Variants in ANKRD11 observed in about 807,000 individuals in gnomAD.
ANKRD11 encodes the protein ankyrin repeat domain-containing protein 11.
ANKRD11 carries 17 observed loss-of-function variants against 195.7 expected under a neutral mutation model. That is an observed-to-expected ratio of 0.09 (90% CI 0.06 to 0.13). ANKRD11 has a LOEUF of 0.13. ANKRD11 is among the 10% of genes least tolerant of loss of function. The pLI is 1.00. For missense variants in ANKRD11, 3,735 were observed against 3,566.1 expected, an observed-to-expected ratio of 1.05 and a Z score of -1.21; for synonymous variants, 1,953 against 1,528.1, an observed-to-expected ratio of 1.28 and a Z score of -6.49.
rs143548880 is a variant in ANKRD11 at position 89,326,329 on chromosome 16, T to C, written c.-59-9251A>G. 4.4e-3 allele frequency among the ~76,000 whole-genome samples: 670 copies of C among 152,212 alleles called. 6 individuals carry two copies. The highest frequency in any genetic ancestry group is 0.016 in the African/African-American group (650 of 41,532). The stretch of plus-strand genomic sequence containing the variant: ...GAAAGGTCTGGGGTGTCACGCACCG[T>C]TGCTGGGAATGCAGAGGAGGACGGT... On this transcript the variant is annotated intron_variant, in intron 2 of 12. Coordinates refer to ENST00000301030, the MANE Select transcript of ANKRD11 (RefSeq NM_013275.6).
rs761444335 is a variant in ANKRD11 at position 89,279,861 on chromosome 16, C to G, written c.6681G>C (p.Pro2227=). ...LEAAVEAETV[P]EERARGDPDS... ...CCGGATCCCCACGGGCCCTCTCTTC[C>G]GGCACCGTCTCCGCCTCCACCGCAG... Residue 2227 remains proline (P), a synonymous_variant, in exon 9 of 13, where the codon CCG becomes CCC. Coordinates refer to ENST00000301030, the MANE Select transcript of ANKRD11 (RefSeq NM_013275.6). The surrounding 1 kb of genome is among the most constrained non-coding windows in gnomAD (Gnocchi z 5.6). The G allele has an allele frequency of 6.4e-7, 1 of 1,557,626 alleles. No individual in the cohort carries two copies. The highest frequency in any genetic ancestry group is 8.7e-7 in the Non-Finnish European group (1 of 1,152,702).
intron 2 of ANKRD11, among the ~76,000 whole-genome samples, chr16:89,368,461 TC>T (rs1441787332): frequency 4.4e-5 from 6 of 137,536 alleles, no homozygotes; most frequent in African/African-American, 1.6e-4. Context: ...GACCTCGTGA[TC>T]CACCTGCCTC....
chr16:89,446,124 A>C (rs969343742), intron 1 of ANKRD11, among the ~76,000 whole-genome samples: 7 of 152,100 alleles, frequency 4.6e-5, no homozygotes, highest in African/African-American at 1.7e-4. Flanking sequence ...AAAACTGTTT[A>C]AAAAGGACTT....
intron 1 of ANKRD11, among the ~76,000 whole-genome samples, chr16:89,444,151 A>AAT (rs1192743807): frequency 1.3e-5 from 2 of 152,138 alleles, no homozygotes; most frequent in Non-Finnish European, 1.5e-5. Context: ...TCCTGCATAA[A>AAT]ATACTAGTAA....
At chr16:89,342,713 C>G (rs1314150944) in intron 2 of ANKRD11, among the ~76,000 whole-genome samples, 1 of 152,196 alleles carries the variant, frequency 6.6e-6, no homozygotes, top group Non-Finnish European at 1.5e-5. Flanking sequence ...ATGGGCCCTA[C>G]AGAATTACTT....
chr16:89,278,848 G>GTCCTC, intron 9 of ANKRD11: 1 of 760,200 alleles, frequency 1.3e-6, no homozygotes, highest in South Asian at 1.5e-5. Context: ...CCGAGGCCTG[G>GTCCTC]CACGGACCAG....
At position 89,282,412 on chromosome 16, in the gene ANKRD11, CCCTTCTCTTTCTTCTCGG is replaced by C. The variant is rs754339551; in HGVS notation, c.4112_4129del (p.Ala1371_Lys1376del). The C allele has an allele frequency of 5.0e-6, 8 of 1,613,816 alleles. No individual in the cohort carries two copies. The highest frequency in any genetic ancestry group is 6.8e-6 in the Non-Finnish European group (8 of 1,179,742). The stretch of plus-strand genomic sequence containing the variant: ...GCTACCGCCCTCCTTGTAATCTTCG[CCCTTCTCTTTCTTCTCGG>C]CCTTCTCTTTCTTGGCTCGCTCTCG... On this transcript the variant is annotated inframe_deletion, in exon 9 of 13. Transcript: ENST00000301030.
intron 1 of ANKRD11, among the ~76,000 whole-genome samples, chr16:89,455,486 TG>T (rs909327628): frequency 1.3e-5 from 2 of 152,036 alleles, no homozygotes; most frequent in African/African-American, 4.8e-5. Flanking sequence ...ACACACCAGG[TG>T]GGGATGTCAC....
intron 2 of ANKRD11, among the ~76,000 whole-genome samples, chr16:89,407,668 T>TACACACAC (rs112958844): frequency 6.6e-6 from 1 of 150,704 alleles, no homozygotes; most frequent in African/African-American, 2.4e-5. Context: ...CAAACACACA[T>TACACACAC]ACACACACAC....
At chr16:89,416,730 G>C (rs1384064424) in intron 2 of ANKRD11, among the ~76,000 whole-genome samples, 1 of 147,106 alleles carries the variant, frequency 6.8e-6, no homozygotes, top group East Asian at 2.0e-4. Flanking sequence ...AGGGGTTCAA[G>C]ACAGGCCTGG....
intron 1 of ANKRD11, among the ~76,000 whole-genome samples, chr16:89,434,016 TGAG>T (rs1330466560): frequency 9.9e-5 from 15 of 152,204 alleles, no homozygotes; most frequent in Admixed American, 7.9e-4. Flanking sequence ...CTGGTTACTC[TGAG>T]AAGATGCCCC....
chr16:89,334,142 T>C (rs12932637), intron 2 of ANKRD11, among the ~76,000 whole-genome samples: 1,024 of 19,176 alleles, frequency 0.053, 81 homozygotes, highest in African/African-American at 0.23. Flanking sequence ...AACCCTGTGT[T>C]TTAAAAAAAA....
At chr16:89,337,071 A>G (rs2151982702) in intron 2 of ANKRD11, among the ~76,000 whole-genome samples, 1 of 150,052 alleles carries the variant, frequency 6.7e-6, no homozygotes, top group African/African-American at 2.4e-5. Context: ...CTGCAGTCCC[A>G]GCTATTTGGG....
chr16:89,287,503 C>A, intron 7 of ANKRD11: 1 of 208,814 alleles, frequency 4.8e-6, no homozygotes, highest in Non-Finnish European at 9.9e-6. Flanking sequence ...ATCGGATGCC[C>A]CAGCCCCATC....
chr16:89,445,320 C>T (rs1190445893), intron 1 of ANKRD11, among the ~76,000 whole-genome samples: 1 of 152,224 alleles, frequency 6.6e-6, no homozygotes, highest in Non-Finnish European at 1.5e-5. Context: ...TCAACCACTG[C>T]TCAGCCGTTT....
At chr16:89,446,714 A>G (rs2043809623) in intron 1 of ANKRD11, among the ~76,000 whole-genome samples, 2 of 152,176 alleles carry the variant, frequency 1.3e-5, no homozygotes, top group Non-Finnish European at 2.9e-5. Context: ...TGGACACACA[A>G]TGACAGTGCC....
rs777529987 is a variant in ANKRD11 at position 89,324,554 on chromosome 16, G to A, written c.-59-7476C>T. 2.9e-5 allele frequency: 13 copies of A among 455,774 alleles called. No individual in the cohort carries two copies. In the East Asian group the frequency reaches 4.9e-4, roughly 17 times the overall value. The allele number at this position is 455,774 out of a possible 1,614,324, so 28.2% of individuals were successfully genotyped here. A position where few individuals can be genotyped will look rare whatever the true frequency, so the allele number is the denominator to read the frequency against. On this transcript the variant is annotated intron_variant, in intron 2 of 12. Coordinates refer to ENST00000301030, the MANE Select transcript of ANKRD11 (RefSeq NM_013275.6). Reference sequence around the variant, plus strand: ...CACATTGAGTCAGTGGACGGGGAGAGGCCGACGAACCCTCCATCTGGGGGG... The same window carrying A: ...CACATTGAGTCAGTGGACGGGGAGAAGCCGACGAACCCTCCATCTGGGGGG...
intron 2 of ANKRD11, among the ~76,000 whole-genome samples, chr16:89,349,347 G>A (rs2039098126): frequency 1.3e-5 from 2 of 151,690 alleles, no homozygotes; most frequent in Non-Finnish European, 2.9e-5. Context: ...GGGCGTGGTG[G>A]CGGGCGCCTG....
At chr16:89,396,078 A>G (rs1000270077) in intron 2 of ANKRD11, 3 of 152,244 alleles carry the variant, frequency 2.0e-5, no homozygotes, top group African/African-American at 7.2e-5. Flanking sequence ...AATGAAGGAA[A>G]GACAGCTGCA....
Sources: allele counts gnomAD v4.1 joint callset (sites outside exome capture counted in the v4.1 genomes callset), GRCh38; gene constraint gnomAD v4.1.1; non-coding constraint Gnocchi (gnomAD v3.1); transcripts MANE v1.5; gene names NCBI Gene and HGNC (gene_info 2026-07-23, HGNC 2026-07-21).